The following FBXO32 variants were observed in gnomAD, a reference collection of about 807,000 sequenced individuals.
FBXO32 encodes the protein F-box only protein 32.
A neutral mutation model predicts 48.3 loss-of-function variants in FBXO32; 15 were observed. That is an observed-to-expected ratio of 0.31 (90% confidence interval 0.21 to 0.48). FBXO32 has a LOEUF of 0.48. FBXO32 is among the 20% of genes least tolerant of loss of function. The pLI is 0.99. For synonymous variants in FBXO32, 154 were observed against 165.9 expected (o/e 0.93, Z 0.55); for missense variants, 309 against 432.7 (o/e 0.71, Z 2.54).
Position 123,513,768 on chromosome 8 carries a change from C to G in FBXO32, c.467-386G>C, listed in dbSNP as rs534507746. On this transcript the variant is annotated intron_variant, in intron 5 of 8. Coordinates refer to ENST00000517956, the MANE Select transcript of FBXO32 (RefSeq NM_058229.4). This position sits in a 1 kb window ranked among gnomAD's most constrained non-coding sequence, Gnocchi z 4.3. ...TTTGGAGCCTGGGTTCTAATCCTGT[C>G]TGGCTGACTCTCTGTGTGATTATGG... Among the ~76,000 whole-genome samples the G allele has an allele frequency of 1.3e-5, 2 of 152,302 alleles. No individual in the cohort carries two copies. Among genetic ancestry groups the G allele is most frequent in the East Asian group, 3.9e-4 (2 of 5,184 alleles).
chr8:123,518,597 CTAACAA>C (rs1174475989), intron 4 of FBXO32, among the ~76,000 whole-genome samples: 14 of 152,246 alleles, frequency 9.2e-5, no homozygotes, highest in East Asian at 7.7e-4. Context: ...TCTTATTTTG[CTAACAA>C]TAACAATAAC....
Position 123,513,149 on chromosome 8 carries a change from C to T in FBXO32, c.651+49G>A, listed in dbSNP as rs1479631598. On this transcript the variant is annotated intron_variant, in intron 6 of 8. Coordinates refer to ENST00000517956, the MANE Select transcript of FBXO32 (RefSeq NM_058229.4). This position sits in a 1 kb window ranked among gnomAD's most constrained non-coding sequence, Gnocchi z 4.3. Reference sequence around the variant, plus strand: ...AAGTCTTGGCGAGTCTGTCCAGTATCCCTGTGGAGGGACCCACTGCCGGGA... The same window carrying T: ...AAGTCTTGGCGAGTCTGTCCAGTATTCCTGTGGAGGGACCCACTGCCGGGA... 6.3e-7 allele frequency: 1 copy of T among 1,588,432 alleles called. No individual in the cohort carries two copies. Among genetic ancestry groups the T allele is most frequent in the South Asian group, 1.1e-5 (1 of 90,056 alleles).
chr8:123,531,755 A>G (rs1453437249), intron 4 of FBXO32, 143 bp downstream of exon 4: 2 of 917,042 alleles, frequency 2.2e-6, no homozygotes, highest in Middle Eastern at 2.5e-4. Context: ...GAAGAAGGAG[A>G]TTGAGGGGTC....
At chr8:123,523,203 G>C (rs943630918) in intron 4 of FBXO32, among the ~76,000 whole-genome samples, 9 of 152,090 alleles carry the variant, frequency 5.9e-5, no homozygotes, top group Non-Finnish European at 1.5e-5. Flanking sequence ...AGGTCTGTGG[G>C]ACTGGCACTG....
At chr8:123,522,370 G>A (rs370171462) in intron 4 of FBXO32, among the ~76,000 whole-genome samples, 1 of 151,854 alleles carries the variant, frequency 6.6e-6, no homozygotes, top group South Asian at 2.1e-4. Flanking sequence ...CACCATGTCC[G>A]GCTGATTTTT....
intron 4 of FBXO32, chr8:123,527,278 G>A (rs1422788239): frequency 6.6e-6 from 1 of 152,114 alleles, no homozygotes; most frequent in African/African-American, 2.4e-5. Context: ...TACAGGTTTT[G>A]GAGGAGTGTA....
rs1816630651 is a variant in FBXO32 at position 123,506,661 on chromosome 8, T to C, written c.652-87A>G. On this transcript the variant is annotated intron_variant, in intron 6 of 8. Coordinates refer to ENST00000517956, the MANE Select transcript of FBXO32 (RefSeq NM_058229.4). This position sits in a 1 kb window ranked among gnomAD's most constrained non-coding sequence, Gnocchi z 4.0. The stretch of plus-strand genomic sequence containing the variant: ...CCCTCCAGGCATGCAGCTGTGCCCG[T>C]CCTCCACCCTCAAGGCAGTTTATTG... 5.2e-6 allele frequency: 6 copies of C among 1,156,262 alleles called. No individual in the cohort carries two copies. Among genetic ancestry groups the C allele is most frequent in the African/African-American group, 1.5e-5 (1 of 64,578 alleles). The allele number at this position is 1,156,262 out of a possible 1,614,324, so 71.6% of individuals were successfully genotyped here. A position where few individuals can be genotyped will look rare whatever the true frequency, so the allele number is the denominator to read the frequency against.
intron 6 of FBXO32, among the ~76,000 whole-genome samples, chr8:123,510,885 T>A (rs1041417160): frequency 2.0e-5 from 3 of 152,194 alleles, no homozygotes; most frequent in Admixed American, 6.5e-5. Flanking sequence ...TTTCAGATCA[T>A]AGCTGCTCGG....
Position 123,540,659 on chromosome 8 carries a change from G to A in FBXO32, c.116+240C>T, listed in dbSNP as rs1817392831. On this transcript the variant is annotated intron_variant, in intron 1 of 8. Transcript: ENST00000517956. The surrounding 1 kb of genome is among the most constrained non-coding windows in gnomAD (Gnocchi z 6.4). ...GACTCTCAGAGGGACCAGGTGTTCTGTAAGGAGTCGTGTCCACTTGGAGAC... is the reference window on the plus strand; with the variant it reads ...GACTCTCAGAGGGACCAGGTGTTCTATAAGGAGTCGTGTCCACTTGGAGAC... 6.6e-6 allele frequency among the ~76,000 whole-genome samples: 1 copy of A among 152,222 alleles called. No individual in the cohort carries two copies. The highest frequency in any genetic ancestry group is 2.4e-5 in the African/African-American group (1 of 41,466).
rs754852237 is a variant in FBXO32 at position 123,531,917 on chromosome 8, C to T, written c.353G>A (p.Arg118Lys). Reference sequence around the variant, plus strand: ...ACTTACCCGGACCACGTAGTTAAATCTTCTGGAATCCAGAATGGCAGTTGA... The same window carrying T: ...ACTTACCCGGACCACGTAGTTAAATTTTCTGGAATCCAGAATGGCAGTTGA... ...DFSTAILDSR[R>K]FNYVVRLLEL... The change falls in exon 4 of 9, where the codon AGA becomes AAA. Residue 118 changes from arginine to lysine, a missense_variant. By Grantham distance (26) the Arg-to-Lys change is conservative (BLOSUM62 2). Transcript: ENST00000517956. The T allele has an allele frequency of 9.9e-6, 16 of 1,614,064 alleles. No homozygotes were observed. Among genetic ancestry groups the T allele is most frequent in the Non-Finnish European group, 1.2e-5 (14 of 1,180,032 alleles).
intron 4 of FBXO32, among the ~76,000 whole-genome samples, chr8:123,526,353 G>A (rs913571862): frequency 6.6e-6 from 1 of 151,970 alleles, no homozygotes; most frequent in African/African-American, 2.4e-5. Flanking sequence ...AGCGTCCCGA[G>A]TAGCTGGGAT....
chr8:123,512,331 T>C (rs1177575997), intron 6 of FBXO32, among the ~76,000 whole-genome samples: 1 of 152,184 alleles, frequency 6.6e-6, no homozygotes, highest in Non-Finnish European at 1.5e-5. Flanking sequence ...AAAACAGTTA[T>C]TTAAAAGAAG....
intron 8 of FBXO32, among the ~76,000 whole-genome samples, 162 bp downstream of exon 8, chr8:123,504,441 TC>T (rs1227860424): frequency 1.4e-5 from 2 of 147,906 alleles, no homozygotes; most frequent in Non-Finnish European, 1.5e-5. Flanking sequence ...TAAAAGTCCT[TC>T]CCCCCCACCC....
Position 123,500,740 on chromosome 8 carries a change from CCT to C in FBXO32, c.*2631_*2632del, listed in dbSNP as rs1168806275. 6.6e-6 allele frequency: 1 copy of C among 152,244 alleles called. No individual in the cohort carries two copies. Among genetic ancestry groups the C allele is most frequent in the Non-Finnish European group, 1.5e-5 (1 of 68,064 alleles). The allele number at this position is 152,244 out of a possible 1,614,324, so 9.4% of individuals were successfully genotyped here. ...TGCCATTTCTATTCCTTTCCCCCTC[CCT>C]CTCTACCTGCCATTTCTTTCCTTAT... On this transcript the variant is annotated 3_prime_UTR_variant, in exon 9 of 9. Transcript: ENST00000517956.
chr8:123,503,500 G>C, intron 8 of FBXO32, 38 bp from the exon 9 acceptor site: 11 of 1,566,942 alleles, frequency 7.0e-6, no homozygotes, highest in Non-Finnish European at 9.7e-6. Flanking sequence ...AGTTCTCAGA[G>C]GCCTCTCTTT....
At chr8:123,508,882 A>T (rs1220532115) in intron 6 of FBXO32, among the ~76,000 whole-genome samples, 1 of 152,152 alleles carries the variant, frequency 6.6e-6, no homozygotes, top group African/African-American at 2.4e-5. Context: ...CCTTGCCCAG[A>T]CCCCATGCTA....
chr8:123,505,190 C>A (rs1438771160), intron 7 of FBXO32, among the ~76,000 whole-genome samples: 1 of 152,144 alleles, frequency 6.6e-6, no homozygotes, highest in Non-Finnish European at 1.5e-5. Flanking sequence ...TGAACTCACA[C>A]ATCCATATAA....
intron 6 of FBXO32, among the ~76,000 whole-genome samples, chr8:123,508,977 C>G (rs80148293): frequency 1.3e-5 from 2 of 152,108 alleles, no homozygotes; most frequent in Non-Finnish European, 2.9e-5. Context: ...TAGTCACTCT[C>G]GCTCCTCTAG....
At chr8:123,530,556 A>G (rs945925929) in intron 4 of FBXO32, among the ~76,000 whole-genome samples, 4 of 152,202 alleles carry the variant, frequency 2.6e-5, no homozygotes, top group Non-Finnish European at 5.9e-5. Context: ...TAGAAATAAT[A>G]ATGTGACAGT....
Sources: gnomAD v4.1 joint callset for allele counts (sites outside exome capture counted in the v4.1 genomes callset) on GRCh38, gnomAD v4.1.1 for gene constraint, Gnocchi (gnomAD v3.1) non-coding constraint, MANE v1.5 for transcripts, NCBI Gene and HGNC (gene_info 2026-07-23, HGNC 2026-07-21) for gene names.